The following NEB variants were observed in gnomAD, a reference collection of about 807,000 sequenced individuals.
NEB encodes the protein nemaline myopathy type 2.
In NEB, 512 loss-of-function variants were observed where a neutral mutation model predicts 952.2. That is an observed-to-expected ratio of 0.54 (90% CI 0.50 to 0.58). The LOEUF (loss-of-function observed/expected upper bound fraction) is 0.58. Ranked by LOEUF, NEB falls within the 20% of genes least tolerant of loss-of-function variation. The pLI is 0.00. For missense variants in NEB, 8,428 were observed against 9,231.1 expected, an observed-to-expected ratio of 0.91 and a Z score of 3.56; for synonymous variants, 2,900 against 3,149.8, an observed-to-expected ratio of 0.92 and a Z score of 2.66.
intron 38 of NEB, 128 bp from the exon 39 acceptor site, chr2:151,669,259 G>T: frequency 4.6e-6 from 3 of 655,126 alleles, no homozygotes; most frequent in South Asian, 1.8e-5. Flanking sequence ...TACCTACTCT[G>T]TCATAAGGGA....
intron 13 of NEB, among the ~76,000 whole-genome samples, chr2:151,704,359 A>T (rs1420840156): frequency 1.5e-4 from 22 of 143,086 alleles, no homozygotes; most frequent in Non-Finnish European, 3.2e-4. Context: ...AGAGGCAGGC[A>T]GGCCTCCTTG....
intron 81 of NEB, among the ~76,000 whole-genome samples, chr2:151,609,070 G>A (rs2153965473): frequency 6.6e-6 from 1 of 150,934 alleles, no homozygotes; most frequent in South Asian, 2.1e-4. Flanking sequence ...TGTGACACTG[G>A]AAATCCCTTT....
intron 181 of NEB, among the ~76,000 whole-genome samples, chr2:151,488,661 AG>A (rs1159005714): frequency 2.0e-5 from 3 of 150,468 alleles, no homozygotes; most frequent in Non-Finnish European, 3.0e-5. Context: ...ATAAAAAAAA[AG>A]TATTCTGTAT....
At chr2:151,618,017 G>A (rs1325345874) in intron 74 of NEB, among the ~76,000 whole-genome samples, 1 of 152,120 alleles carries the variant, frequency 6.6e-6, no homozygotes. Context: ...CCAAGATCGT[G>A]CCATTGCACT....
chr2:151,501,688 A>AAAAC (rs1442671601), intron 167 of NEB, among the ~76,000 whole-genome samples: 3 of 152,236 alleles, frequency 2.0e-5, no homozygotes, highest in East Asian at 3.8e-4. Context: ...AGACATCAGT[A>AAAAC]AAACACAGCT....
intron 50 of NEB, among the ~76,000 whole-genome samples, 163 bp from the exon 51 acceptor site, chr2:151,655,537 TA>T (rs150244233): frequency 0.15 from 23,029 of 150,472 alleles, 2,349 homozygotes; most frequent in Middle Eastern, 0.24. Context: ...AACTCAGATT[TA>T]AAAAAAAAAT....
intron 102 of NEB, 108 bp from the exon 103 acceptor site, chr2:151,581,695 A>G: frequency 7.6e-7 from 1 of 1,309,744 alleles, no homozygotes; most frequent in Non-Finnish European, 1.0e-6. Flanking sequence ...GATGATGAAA[A>G]AAATTTTAAG....
rs199835469 is a variant in NEB at position 151,554,973 on chromosome 2, C to T, written c.19386G>A (p.Pro6462=). The T allele has an allele frequency of 1.1e-5, 17 of 1,613,794 alleles. No homozygotes were observed. The highest frequency in any genetic ancestry group is 6.7e-5 in the African/African-American group (5 of 75,030). The change falls in exon 125 of 182, where the codon CCG becomes CCA. Residue 6462 remains proline, a synonymous_variant. Coordinates refer to ENST00000397345, the MANE Select transcript of NEB (RefSeq NM_001164508.2). The stretch of plus-strand genomic sequence containing the variant: ...CAACTCGGAGGCACCGTGCTGTGTT[C>T]GGATCATCGTCAACACTTCTTGGTA... ...YTLPRSVDDD[P]NTARCLRVGK... is the part of the protein sequence containing the mutation.
At position 151,541,487 on chromosome 2, in the gene NEB, T is replaced by C. The variant is rs776604335; in HGVS notation, c.20642A>G (p.Asp6881Gly). ...CTGCCCTCGCTTGGCTCTTAAAAGA[T>C]CAGGAGTATCAGGAACTGAAGTAAA... ...SIFTSVPDTPDLLRAKRGQKL... is the reference protein window; with the variant it reads ...SIFTSVPDTPGLLRAKRGQKL... Residue 6881 changes from aspartate to glycine, a missense_variant, in exon 136 of 182, where the codon GAT becomes GGT. By Grantham distance (94) the Asp-to-Gly change is moderately conservative. Coordinates refer to ENST00000397345, the MANE Select transcript of NEB (RefSeq NM_001164508.2). 1.9e-6 allele frequency: 3 copies of C among 1,613,486 alleles called. No individual in the cohort carries two copies. The highest frequency in any genetic ancestry group is 2.2e-5 in the East Asian group (1 of 44,860).
intron 107 of NEB, among the ~76,000 whole-genome samples, chr2:151,574,964 T>C (rs1036470411): frequency 2.6e-5 from 4 of 152,156 alleles, no homozygotes; most frequent in Admixed American, 1.3e-4. Context: ...AGTCTTGAAC[T>C]CCTGGGCTCA....
chr2:151,502,968 T>TA, intron 166 of NEB, 83 bp from the exon 167 acceptor site: 1 of 798,518 alleles, frequency 1.3e-6, no homozygotes, highest in South Asian at 1.6e-5. Context: ...GAAGGGGTTA[T>TA]ATGTGAGGAG....
intron 160 of NEB, among the ~76,000 whole-genome samples, chr2:151,513,162 A>G (rs907585826): frequency 1.3e-5 from 2 of 152,226 alleles, no homozygotes; most frequent in East Asian, 1.9e-4. Flanking sequence ...ACCCATACCA[A>G]TGAGCATTAG....
At chr2:151,728,819 T>C (rs2099798230) in intron 4 of NEB, among the ~76,000 whole-genome samples, 1 of 152,164 alleles carries the variant, frequency 6.6e-6, no homozygotes, top group Non-Finnish European at 1.5e-5. Flanking sequence ...GTAAGGAAAT[T>C]GTACATTTAC....
intron 179 of NEB, chr2:151,491,345 C>T: frequency 4.6e-6 from 1 of 215,086 alleles, no homozygotes; most frequent in Non-Finnish European, 9.5e-6. Flanking sequence ...CAGGAAGTTC[C>T]TACAGGTCAA....
chr2:151,671,394 T>C lies in NEB; in HGVS notation c.4300-165A>G, dbSNP rs1413424286. 3 of 623,902 alleles carry C rather than the reference T, an allele frequency of 4.8e-6. No individual in the cohort carries two copies. In the Admixed American group the frequency reaches 8.7e-5, roughly 18 times the overall value. The allele number at this position is 623,902 out of a possible 1,614,324, so 38.6% of individuals were successfully genotyped here. Reference sequence around the variant, plus strand: ...CTGGAGTGTGGTAATAAGAAGAAGCTGTTCTGTTGTTAGAGTGCATTATAC... The same window carrying C: ...CTGGAGTGTGGTAATAAGAAGAAGCCGTTCTGTTGTTAGAGTGCATTATAC... On this transcript the variant is annotated intron_variant, in intron 37 of 181. Coordinates refer to ENST00000397345, the MANE Select transcript of NEB (RefSeq NM_001164508.2).
chr2:151,493,257 T>C (rs1003113000), intron 176 of NEB, 96 bp downstream of exon 176: 2 of 937,828 alleles, frequency 2.1e-6, no homozygotes, highest in African/African-American at 1.7e-5. Flanking sequence ...AAAATTTTAG[T>C]GTGTTTTTCA....
At chr2:151,701,964 T>C (rs2099673358) in intron 13 of NEB, among the ~76,000 whole-genome samples, 2 of 145,030 alleles carry the variant, frequency 1.4e-5, no homozygotes, top group African/African-American at 5.2e-5. Context: ...TGTTAGGGTG[T>C]CAATTTTGGA....
intron 127 of NEB, 127 bp from the exon 128 acceptor site, chr2:151,552,903 G>T: frequency 1.6e-6 from 1 of 628,378 alleles, no homozygotes; most frequent in Non-Finnish European, 2.9e-6. Context: ...TCAACAGACC[G>T]AGATGCATTT....
intron 166 of NEB, 151 bp downstream of exon 166, chr2:151,503,198 G>A: frequency 1.6e-6 from 1 of 624,550 alleles, no homozygotes; most frequent in Non-Finnish European, 2.8e-6. Context: ...GAGTCATTTT[G>A]TATTAACATA....
Sources: allele counts gnomAD v4.1 joint callset (sites outside exome capture counted in the v4.1 genomes callset), GRCh38; gene constraint gnomAD v4.1.1; transcripts MANE v1.5; gene names NCBI Gene and HGNC (gene_info 2026-07-23, HGNC 2026-07-21).